The following DAB1 variants were observed in gnomAD, a reference collection of about 807,000 sequenced individuals.
DAB1 encodes DAB adaptor protein 1.
DAB1 carries 15 observed loss-of-function variants against 64.6 expected under a neutral mutation model. The ratio of observed to expected loss-of-function variants is 0.23; its 90% CI spans 0.16 to 0.36. DAB1 has a LOEUF of 0.36. DAB1 is among the 10% of genes least tolerant of loss of function. DAB1 has a pLI of 1.00. For missense variants in DAB1, 596 were observed against 706.7 expected (o/e 0.84, Z 1.78); for synonymous variants, 235 against 251.9 (o/e 0.93, Z 0.64).
At chr1:57,035,628 A>G (rs1470986195) in intron 9 of DAB1, among the ~76,000 whole-genome samples, 3 of 152,158 alleles carry the variant, frequency 2.0e-5, no homozygotes, top group African/African-American at 7.2e-5. Flanking sequence ...TGTGCTGGCC[A>G]TGTAACCCTT....
intron 2 of DAB1, among the ~76,000 whole-genome samples, chr1:57,150,074 G>C (rs1334735603): frequency 6.6e-6 from 1 of 152,032 alleles, no homozygotes; most frequent in Non-Finnish European, 1.5e-5. Context: ...TGGATTCAGA[G>C]GACCTGAGTT....
chr1:58,505,340 C>T (rs1453293507), intron 3 of DAB1, among the ~76,000 whole-genome samples: 1 of 152,164 alleles, frequency 6.6e-6, no homozygotes, highest in East Asian at 1.9e-4. Context: ...TCATAACAAG[C>T]CACCAAATTT....
At chr1:57,481,855 A>G (rs903975031) in intron 7 of DAB1, among the ~76,000 whole-genome samples, 3 of 152,044 alleles carry the variant, frequency 2.0e-5, no homozygotes, top group Non-Finnish European at 2.9e-5. Context: ...GGTACTCAAT[A>G]AGCTTGTTAA....
At chr1:57,224,213 T>C (rs1667094953) in intron 2 of DAB1, among the ~76,000 whole-genome samples, 1 of 152,140 alleles carries the variant, frequency 6.6e-6, no homozygotes, top group African/African-American at 2.4e-5. Flanking sequence ...GAAAACCGAA[T>C]CACTACCTCA....
At chr1:57,585,247 T>C (rs1354690873) in intron 7 of DAB1, among the ~76,000 whole-genome samples, 1 of 56,200 alleles carries the variant, frequency 1.8e-5, no homozygotes, top group Non-Finnish European at 3.0e-5. Flanking sequence ...AGACTCTTTC[T>C]GAAAAAAAAA....
chr1:58,377,276 G>A (rs1255620441), intron 3 of DAB1, among the ~76,000 whole-genome samples: 9 of 146,212 alleles, frequency 6.2e-5, no homozygotes, highest in Admixed American at 1.4e-4. Context: ...TCCTAGTCTC[G>A]ATGGTCTTTA....
intron 5 of DAB1, among the ~76,000 whole-genome samples, chr1:57,902,102 A>G (rs1644482936): frequency 6.6e-6 from 1 of 150,962 alleles, no homozygotes; most frequent in Non-Finnish European, 1.5e-5. Flanking sequence ...GGTTGCCGTG[A>G]GCCAAGATAA....
At chr1:57,282,182 C>CAAAAAAAAAA (rs61512431) in intron 2 of DAB1, among the ~76,000 whole-genome samples, 2 of 92,768 alleles carry the variant, frequency 2.2e-5, no homozygotes, top group Non-Finnish European at 4.3e-5. Context: ...GCCTTCTTCT[C>CAAAAAAAAAA]AAAAAAAAAA....
chr1:57,077,330 C>T (rs1178149750), intron 4 of DAB1, among the ~76,000 whole-genome samples: 3 of 152,188 alleles, frequency 2.0e-5, no homozygotes, highest in South Asian at 2.1e-4. Flanking sequence ...CTCAATCTTA[C>T]CCCCGCTCCT....
chr1:57,674,633 C>A (rs1440623251), intron 6 of DAB1, among the ~76,000 whole-genome samples: 1 of 152,250 alleles, frequency 6.6e-6, no homozygotes, highest in Middle Eastern at 3.4e-3. Flanking sequence ...CAGCCTAATT[C>A]TGGGATTTCA....
At chr1:57,656,174 C>T (rs112074357) in intron 6 of DAB1, among the ~76,000 whole-genome samples, 15 of 152,274 alleles carry the variant, frequency 9.9e-5, no homozygotes, top group African/African-American at 3.6e-4. Flanking sequence ...TCACCAGAAC[C>T]CAGCCATGGT....
chr1:58,087,561 T>C (rs1226717161), intron 5 of DAB1, among the ~76,000 whole-genome samples: 1 of 152,092 alleles, frequency 6.6e-6, no homozygotes, highest in Non-Finnish European at 1.5e-5. Flanking sequence ...CAATCAGCTG[T>C]GAATTATGCA....
intron 4 of DAB1, among the ~76,000 whole-genome samples, chr1:58,192,403 A>G (rs1481299817): frequency 6.6e-6 from 1 of 152,074 alleles, no homozygotes; most frequent in East Asian, 1.9e-4. Context: ...TAATTTTTCA[A>G]CCCTCACCTC....
At chr1:57,656,239 G>T (rs776101464) in intron 6 of DAB1, among the ~76,000 whole-genome samples, 3 of 152,190 alleles carry the variant, frequency 2.0e-5, no homozygotes, top group Non-Finnish European at 4.4e-5. Context: ...AAGTGCTGTT[G>T]TTTAAGCCAT....
intron 6 of DAB1, among the ~76,000 whole-genome samples, chr1:57,692,338 A>C (rs1646774024): frequency 6.6e-6 from 1 of 152,112 alleles, no homozygotes; most frequent in Admixed American, 6.6e-5. Flanking sequence ...GGAGAACAGC[A>C]GCATAAGTGG....
intron 1 of DAB1, among the ~76,000 whole-genome samples, chr1:57,377,647 C>T (rs1681017338): frequency 6.6e-6 from 1 of 152,148 alleles, no homozygotes; most frequent in Admixed American, 6.5e-5. Context: ...ACCTGAAAGG[C>T]TCAAAATGTA....
At chr1:57,718,914 A>G (rs1647117304) in intron 6 of DAB1, among the ~76,000 whole-genome samples, 1 of 152,174 alleles carries the variant, frequency 6.6e-6, no homozygotes, top group Non-Finnish European at 1.5e-5. Flanking sequence ...TGTGAAAAAA[A>G]TACTGATTTC....
At chr1:57,618,043 T>A (rs147683945) in intron 7 of DAB1, among the ~76,000 whole-genome samples, 1 of 152,174 alleles carries the variant, frequency 6.6e-6, no homozygotes, top group Non-Finnish European at 1.5e-5. Context: ...AGGGAAGAGA[T>A]CTTCTTCCTC....
intron 4 of DAB1, among the ~76,000 whole-genome samples, chr1:58,279,569 C>G (rs1661510731): frequency 6.6e-6 from 1 of 152,178 alleles, no homozygotes; most frequent in Non-Finnish European, 1.5e-5. Flanking sequence ...AACTGAGTTT[C>G]AGAGAGGTGG....
Sources: allele counts gnomAD v4.1 joint callset (sites outside exome capture counted in the v4.1 genomes callset), GRCh38; gene constraint gnomAD v4.1.1; transcripts MANE v1.5; gene names NCBI Gene and HGNC (gene_info 2026-07-23, HGNC 2026-07-21).